KDM4B: variants seen among roughly 807,000 people sequenced by gnomAD.
The protein encoded by KDM4B is lysine demethylase 4B, also known as lysine-specific demethylase 4B.
Under a neutral mutation model 125.2 loss-of-function variants are expected in KDM4B, and 32 were observed. That is an observed-to-expected ratio of 0.26 (90% CI 0.19 to 0.34). KDM4B has a LOEUF of 0.34. Ranked by LOEUF, KDM4B falls within the 10% of genes least tolerant of loss-of-function variation. The pLI is 1.00. For synonymous variants in KDM4B, 721 were observed against 677.9 expected (o/e 1.06, Z -0.99); for missense variants, 1,190 against 1,577.7 (o/e 0.75, Z 4.16).
rs563063832 is a variant in KDM4B at position 5,035,631 on chromosome 19, C to A, written c.141+2600C>A. On this transcript the variant is annotated intron_variant, in intron 3 of 22. Transcript: ENST00000159111. The surrounding 1 kb of genome is among the most constrained non-coding windows in gnomAD (Gnocchi z 5.3). ...GCTGCTTCAGGTTTCTGCACTCCCC[C>A]CAGGCCAGTTCCCCCGAGATTCTTG... is the stretch of plus-strand genomic sequence containing the variant. Among the ~76,000 whole-genome samples the A allele has an allele frequency of 2.4e-4, 37 of 152,260 alleles. 1 individual carries two copies. The South Asian group carries it at 5.8e-3, about 24-fold the overall frequency.
chr19:5,033,957 C>G (rs1005215126), intron 3 of KDM4B, among the ~76,000 whole-genome samples: 2 of 152,112 alleles, frequency 1.3e-5, no homozygotes, highest in African/African-American at 4.8e-5. Context: ...ACAGTGAGAT[C>G]CCATCTCTAC....
chr19:5,100,695 G>A (rs2613747), intron 9 of KDM4B, among the ~76,000 whole-genome samples: 3 of 152,152 alleles, frequency 2.0e-5, no homozygotes, highest in South Asian at 2.1e-4. Flanking sequence ...GGATTAAGGC[G>A]TGAGCCACCA....
chr19:5,134,142 G>A (rs1394118869), intron 14 of KDM4B, 81 bp downstream of exon 14: 13 of 1,334,004 alleles, frequency 9.7e-6, no homozygotes, highest in Admixed American at 4.2e-5. Context: ...CACCCCACAC[G>A]CCTCCCTCTC....
At chr19:5,127,589 C>T (rs913176242) in intron 11 of KDM4B, among the ~76,000 whole-genome samples, 4 of 152,184 alleles carry the variant, frequency 2.6e-5, no homozygotes, top group Non-Finnish European at 5.9e-5. Context: ...ACTCATCAGC[C>T]GGGCACCTGA....
chr19:5,096,604 G>A (rs550482595), intron 9 of KDM4B, among the ~76,000 whole-genome samples: 1 of 151,734 alleles, frequency 6.6e-6, no homozygotes, highest in African/African-American at 2.4e-5. Flanking sequence ...GGCGCCTGTT[G>A]CCGCGGTGCC....
At chr19:4,981,118 C>A (rs983440274) in intron 1 of KDM4B, among the ~76,000 whole-genome samples, 48 of 152,114 alleles carry the variant, frequency 3.2e-4, no homozygotes, top group Admixed American at 1.3e-4. Flanking sequence ...CCTGAGCTGG[C>A]GTGCCTCAGC....
chr19:5,051,632 G>T (rs986049210), intron 6 of KDM4B, among the ~76,000 whole-genome samples: 1 of 152,358 alleles, frequency 6.6e-6, no homozygotes. Flanking sequence ...CAGCGCAGGT[G>T]CGTGGCAGCC....
At chr19:5,072,321 G>A (rs1237304708) in intron 7 of KDM4B, among the ~76,000 whole-genome samples, 2 of 152,202 alleles carry the variant, frequency 1.3e-5, no homozygotes, top group African/African-American at 4.8e-5. Flanking sequence ...CGGCAGATTC[G>A]GTGGTGGGGA....
intron 6 of KDM4B, among the ~76,000 whole-genome samples, chr19:5,060,433 C>CAAAAAAAAAAAAAAAAAAAAAAAA (rs901472663): frequency 1.2e-4 from 4 of 32,978 alleles, no homozygotes; most frequent in African/African-American, 1.6e-4. Context: ...ACTCTGTCTC[C>CAAAAAAAAAAAAAAAAAAAAAAAA]AAAAAAAAAA....
intron 11 of KDM4B, among the ~76,000 whole-genome samples, chr19:5,126,314 G>A (rs952077337): frequency 6.6e-6 from 1 of 152,012 alleles, no homozygotes; most frequent in African/African-American, 2.4e-5. Flanking sequence ...ATTGCCCAGC[G>A]CTAGGAGGGA....
intron 17 of KDM4B, 128 bp downstream of exon 17, chr19:5,137,804 A>C: frequency 9.3e-7 from 1 of 1,076,600 alleles, no homozygotes; most frequent in Admixed American, 2.3e-5. Flanking sequence ...TGTGTCATGG[A>C]TGGGGTGGCC....
chr19:5,119,090 G>GA (rs150808006), intron 10 of KDM4B: 174,777 of 1,443,402 alleles, frequency 0.12, 11,510 homozygotes, highest in Admixed American at 0.14. Flanking sequence ...AAGTCCTAGA[G>GA]AAAAAACCCG....
At chr19:4,994,549 G>C (rs988038347) in intron 1 of KDM4B, among the ~76,000 whole-genome samples, 4 of 122,136 alleles carry the variant, frequency 3.3e-5, no homozygotes, top group African/African-American at 1.3e-4. Context: ...GGCAACAAGA[G>C]TGAAACTCTG....
At chr19:5,146,949 A>AAAC (rs1428847080) in intron 21 of KDM4B, among the ~76,000 whole-genome samples, 6 of 150,312 alleles carry the variant, frequency 4.0e-5, no homozygotes. Context: ...CAAAAAAAAA[A>AAAC]AAAAAAAAAA....
chr19:4,990,226 G>T (rs1411721519), intron 1 of KDM4B, among the ~76,000 whole-genome samples: 1 of 152,146 alleles, frequency 6.6e-6, no homozygotes, highest in African/African-American at 2.4e-5. Context: ...GGAGGTTGAG[G>T]CTGCAGTGAG....
intron 11 of KDM4B, among the ~76,000 whole-genome samples, chr19:5,130,115 C>T (rs2039516497): frequency 6.6e-6 from 1 of 152,186 alleles, no homozygotes; most frequent in Admixed American, 6.5e-5. Flanking sequence ...CTTCCAGTCT[C>T]TCTCTGACTC....
intron 12 of KDM4B, 113 bp from the exon 13 acceptor site, chr19:5,131,774 C>T (rs769343338): frequency 1.5e-4 from 198 of 1,365,208 alleles, no homozygotes; most frequent in Non-Finnish European, 1.9e-4. Flanking sequence ...GGGACAGTCA[C>T]CCCAGGAGAG....
chr19:5,035,125 C>T lies in KDM4B; in HGVS notation c.141+2094C>T, dbSNP rs10404611. On this transcript the variant is annotated intron_variant, in intron 3 of 22. Transcript: ENST00000159111. The surrounding 1 kb of genome is among the most constrained non-coding windows in gnomAD (Gnocchi z 5.3). Reference sequence around the variant, plus strand: ...TTGGTCCTCCTATCTCATCTCAGACCGTCTTCTCTGGCCCTCTAGGCCACA... The same window carrying T: ...TTGGTCCTCCTATCTCATCTCAGACTGTCTTCTCTGGCCCTCTAGGCCACA... Among the ~76,000 whole-genome samples, 35,957 of 152,138 alleles carry T rather than the reference C, an allele frequency of 0.24. 4,772 individuals are homozygous for T. The highest frequency in any genetic ancestry group is 0.38 in the Middle Eastern group (111 of 294).
chr19:5,030,449 G>A (rs1287265490), intron 2 of KDM4B, among the ~76,000 whole-genome samples: 1 of 152,222 alleles, frequency 6.6e-6, no homozygotes, highest in Non-Finnish European at 1.5e-5. Context: ...ATGACCTGGA[G>A]GTCAGAGCCT....
Sources: allele counts gnomAD v4.1 joint callset (sites outside exome capture counted in the v4.1 genomes callset), GRCh38; gene constraint gnomAD v4.1.1; non-coding constraint Gnocchi (gnomAD v3.1); transcripts MANE v1.5; gene names NCBI Gene and HGNC (gene_info 2026-07-23, HGNC 2026-07-21).